The following DOCK2 variants were observed in gnomAD, a reference collection of about 807,000 sequenced individuals.
The protein encoded by DOCK2 is dedicator of cytokinesis protein 2.
Under a neutral mutation model 248.9 loss-of-function variants are expected in DOCK2, and 87 were observed. The observed-to-expected ratio is 0.35, with a 90% CI of 0.29 to 0.42. DOCK2 has a LOEUF of 0.42. Among genes scored for constraint, DOCK2 ranks in the 10% least tolerant of loss-of-function variants. The pLI is 1.00. For missense variants in DOCK2, 1,747 were observed against 2,300.2 expected (o/e 0.76, Z 4.92); for synonymous variants, 805 against 821.6 (o/e 0.98, Z 0.35).
chr5:170,025,775 C>T (rs1280833994), intron 33 of DOCK2, among the ~76,000 whole-genome samples: 1 of 138,240 alleles, frequency 7.2e-6, no homozygotes, highest in African/African-American at 2.8e-5. Flanking sequence ...TCCCTCCCTC[C>T]CTCCCTCCTT....
At chr5:169,650,710 G>C (rs2113152844) in intron 1 of DOCK2, among the ~76,000 whole-genome samples, 1 of 152,240 alleles carries the variant, frequency 6.6e-6, no homozygotes, top group Admixed American at 6.5e-5. Flanking sequence ...ACCCAAGATG[G>C]CTCCATACTT....
chr5:169,936,922 G>GA (rs1776026589), intron 27 of DOCK2, among the ~76,000 whole-genome samples: 1 of 152,168 alleles, frequency 6.6e-6, no homozygotes, highest in Non-Finnish European at 1.5e-5. Context: ...CATACTTACA[G>GA]AAAAATCAAA....
chr5:169,660,381 G>A (rs760521412), intron 2 of DOCK2, among the ~76,000 whole-genome samples: 4 of 152,152 alleles, frequency 2.6e-5, no homozygotes, highest in Non-Finnish European at 4.4e-5. Flanking sequence ...GAATGAGGGA[G>A]GAGATGGATA....
intron 22 of DOCK2, among the ~76,000 whole-genome samples, chr5:169,746,198 G>C (rs1449669846): frequency 6.6e-6 from 1 of 152,040 alleles, no homozygotes; most frequent in Non-Finnish European, 1.5e-5. Context: ...GGTGGGGAGA[G>C]AACTAGATAT....
At chr5:169,977,308 T>C (rs1327093652) in intron 27 of DOCK2, among the ~76,000 whole-genome samples, 1 of 152,226 alleles carries the variant, frequency 6.6e-6, no homozygotes, top group Non-Finnish European at 1.5e-5. Context: ...GTGCTTGATG[T>C]GTCCATAGAT....
In DOCK2 at chr5:170,056,787, C is replaced by G. The variant is rs185591007; in HGVS notation, c.4380+19C>G. 3 of 1,610,024 alleles carry G rather than the reference C, an allele frequency of 1.9e-6. No homozygotes were observed. The South Asian group carries it at 3.3e-5, about 18-fold the overall frequency. ...GTTTGCTGTGAGTATCTTCCCTACC[C>G]TTGATCATTCCCTGGAGCCACCTGG... is the stretch of plus-strand genomic sequence containing the variant. On this transcript the variant is annotated intron_variant, in intron 43 of 51. Coordinates refer to ENST00000520908, the MANE Select transcript of DOCK2 (RefSeq NM_004946.3).
At chr5:169,946,290 G>A (rs1015686166) in intron 27 of DOCK2, among the ~76,000 whole-genome samples, 1 of 152,124 alleles carries the variant, frequency 6.6e-6, no homozygotes, top group Non-Finnish European at 1.5e-5. Context: ...CCCAGCCAGG[G>A]GTATCCGGAG....
At chr5:169,733,414 A>G (rs1382839489) in intron 22 of DOCK2, among the ~76,000 whole-genome samples, 1 of 151,648 alleles carries the variant, frequency 6.6e-6, no homozygotes, top group East Asian at 1.9e-4. Context: ...CACATACTAG[A>G]TATTATTATT....
At chr5:170,032,111 C>T (rs190303381) in intron 34 of DOCK2, among the ~76,000 whole-genome samples, 4 of 151,920 alleles carry the variant, frequency 2.6e-5, no homozygotes, top group Non-Finnish European at 5.9e-5. Flanking sequence ...ACTGCAAGCT[C>T]CACCTCCCGG....
intron 26 of DOCK2, among the ~76,000 whole-genome samples, chr5:169,810,410 T>G (rs2113177202): frequency 6.6e-6 from 1 of 152,336 alleles, no homozygotes. Context: ...TCAAATTGAT[T>G]TTAGTGTTCT....
chr5:169,940,532 T>C (rs1776198145), intron 27 of DOCK2, among the ~76,000 whole-genome samples: 1 of 152,180 alleles, frequency 6.6e-6, no homozygotes, highest in African/African-American at 2.4e-5. Context: ...CACCTTAATG[T>C]AGAATCAATG....
intron 27 of DOCK2, among the ~76,000 whole-genome samples, chr5:169,849,813 CCCTAAAGA>C (rs1561761884): frequency 6.6e-6 from 1 of 152,180 alleles, no homozygotes; most frequent in African/African-American, 2.4e-5. Context: ...TCATCTTGGT[CCCTAAAGA>C]CCTTTCAACT....
intron 27 of DOCK2, among the ~76,000 whole-genome samples, chr5:169,921,206 T>C (rs1234256706): frequency 3.9e-5 from 6 of 152,206 alleles, no homozygotes; most frequent in Non-Finnish European, 7.3e-5. Context: ...TGTGTTTGTG[T>C]TTGTGACTTG....
intron 10 of DOCK2, among the ~76,000 whole-genome samples, chr5:169,696,710 G>T (rs984079317): frequency 6.6e-6 from 1 of 151,936 alleles, no homozygotes; most frequent in African/African-American, 2.4e-5. Flanking sequence ...AGTGTTTCAG[G>T]TTTCTCACTT....
intron 29 of DOCK2, among the ~76,000 whole-genome samples, chr5:169,992,787 A>C (rs1282310439): frequency 6.6e-6 from 1 of 150,952 alleles, no homozygotes; most frequent in East Asian, 1.9e-4. Context: ...AAAAAAAAAC[A>C]AGAAAAATGA....
chr5:169,683,314 C>T (rs780644869), intron 7 of DOCK2, among the ~76,000 whole-genome samples: 1 of 152,120 alleles, frequency 6.6e-6, no homozygotes, highest in African/African-American at 2.4e-5. Context: ...ACTGTAGCTT[C>T]GACCCCCTGG....
chr5:169,718,915 A>C (rs2113559959), intron 22 of DOCK2, 124 bp downstream of exon 22: 14 of 1,316,958 alleles, frequency 1.1e-5, no homozygotes, highest in Non-Finnish European at 1.3e-5. Flanking sequence ...AAAACAGCTC[A>C]AGAATCCAAC....
chr5:170,025,790 C>CCCTTCCTTCCTTCCTTCCTTCCTT (rs1193226351), intron 33 of DOCK2, among the ~76,000 whole-genome samples: 11 of 67,614 alleles, frequency 1.6e-4, no homozygotes, highest in Middle Eastern at 8.8e-3. Context: ...CTCCTTCCCT[C>CCCTTCCTTCCTTCCTTCCTTCCTT]CCTTCCTTCC....
At chr5:170,053,018 A>G (rs996703665) in intron 41 of DOCK2, among the ~76,000 whole-genome samples, 7 of 152,196 alleles carry the variant, frequency 4.6e-5, no homozygotes, top group African/African-American at 1.7e-4. Context: ...CTCATTTCTC[A>G]CTTAGGTATC....
Sources: gnomAD v4.1 joint callset for allele counts (sites outside exome capture counted in the v4.1 genomes callset) on GRCh38, gnomAD v4.1.1 for gene constraint, MANE v1.5 for transcripts, NCBI Gene and HGNC (gene_info 2026-07-23, HGNC 2026-07-21) for gene names.